Variants in VARS1 observed in about 807,000 individuals in gnomAD.
VARS1 encodes valine--tRNA ligase.
Under a neutral mutation model 161.0 loss-of-function variants are expected in VARS1, and 92 were observed. The observed-to-expected ratio is 0.57, with a 90% confidence interval of 0.48 to 0.68. The LOEUF (loss-of-function observed/expected upper bound fraction) is 0.68, where lower values mean the gene tolerates loss of function less well. VARS1 is among the 30% of genes least tolerant of loss of function. The pLI is 0.00. For synonymous variants in VARS1, 595 were observed against 682.5 expected (o/e 0.87, Z 2.00); for missense variants, 1,338 against 1,695.9 (o/e 0.79, Z 3.71).
chr6:31,792,746 C>A lies in VARS1; in HGVS notation c.661+11G>T. 1 of 1,614,020 alleles carries A rather than the reference C, an allele frequency of 6.2e-7. No homozygotes were observed. Among genetic ancestry groups the A allele is most frequent in the Non-Finnish European group, 8.5e-7 (1 of 1,179,914 alleles). On this transcript the variant is annotated intron_variant, in intron 4 of 29. Transcript: ENST00000375663. ...GAAGCCCCTATCCTCCAACTCCTCG[C>A]CCTTCCTCACCTGGCTGATGAGAGA...
In VARS1 at chr6:31,780,670, A is replaced by C. The variant is rs779132831; in HGVS notation, c.2797+35T>G. 1 of 1,613,934 alleles carries C rather than the reference A, an allele frequency of 6.2e-7. No homozygotes were observed. Among genetic ancestry groups the C allele is most frequent in the East Asian group, 2.2e-5 (1 of 44,880 alleles). On this transcript the variant is annotated intron_variant, in intron 24 of 29. Transcript: ENST00000375663. This position sits in a 1 kb window ranked among gnomAD's most constrained non-coding sequence, Gnocchi z 5.1. ...AGGGATGGGCCTCACAGAAGGAGGA[A>C]GGAGTGGCTGGGAGGGACGCTTTGG...
rs1813007814 is a variant in VARS1 at position 31,779,739 on chromosome 6, G to C, written c.3157C>G (p.Leu1053Val). ...GAGAGCAGCCGCAGGCCAACGTCCA[G>C]GCAAGTGTACAGGGTCTGGCGGGCA... ...ECARQTLYTCLDVGLRLLSPF... is the reference protein window; with the variant it reads ...ECARQTLYTCVDVGLRLLSPF... The change falls in exon 27 of 30, where the codon CTG becomes GTG. Residue 1053 changes from leucine (L) to valine (V), a missense_variant. Leu to Val is a conservative substitution (Grantham distance 32). Around this residue, in one of 3 missense-constraint regions of VARS1, gnomAD observed 433 missense variants for 586.2 expected, o/e 0.74. Coordinates refer to ENST00000375663, the MANE Select transcript of VARS1 (RefSeq NM_006295.3). The surrounding 1 kb of genome is among the most constrained non-coding windows in gnomAD (Gnocchi z 9.1). 1 of 1,612,924 alleles carries C rather than the reference G, an allele frequency of 6.2e-7. No individual in the cohort carries two copies. The highest frequency in any genetic ancestry group is 1.3e-5 in the African/African-American group (1 of 74,924).
chr6:31,779,809 G>A lies in VARS1; in HGVS notation c.3087C>T (p.Cys1029=). ...CCACCCCATTCAGTACAGGTTTCAGGCACTCCTAGGGGACGAGAGGTACAG... is the reference window on the plus strand; with the variant it reads ...CCACCCCATTCAGTACAGGTTTCAGACACTCCTAGGGGACGAGAGGTACAG... ...LYELCDVYLE[C]LKPVLNGVDQ... Residue 1029 remains cysteine (C), a synonymous_variant, in exon 27 of 30, where the codon TGC becomes TGT. Transcript: ENST00000375663. This position sits in a 1 kb window ranked among gnomAD's most constrained non-coding sequence, Gnocchi z 9.1. 1 of 1,612,894 alleles carries A rather than the reference G, an allele frequency of 6.2e-7. No homozygotes were observed. The highest frequency in any genetic ancestry group is 8.5e-7 in the Non-Finnish European group (1 of 1,179,942).
In VARS1 at chr6:31,782,397, C is replaced by G. The variant is rs951747192; in HGVS notation, c.2038G>C (p.Val680Leu). The G allele has an allele frequency of 1.2e-6, 2 of 1,612,262 alleles. No homozygotes were observed. Among genetic ancestry groups the G allele is most frequent in the Admixed American group, 1.7e-5 (1 of 59,912 alleles). ...GCCTGGGCCATCTCCCCGCAGCGAA[C>G]GTACCACTGCGGCCGCAGCAGAGGC... ...VEPLLRPQWY[V>L]RCGEMAQAAS... is the part of the protein sequence containing the mutation. The change falls in exon 17 of 30, where the codon GTT becomes CTT. Residue 680 changes from valine (V) to leucine (L), a missense_variant. This residue lies in a region of VARS1 where 902 missense variants were observed against 1,090.3 expected (regional missense o/e 0.83). Transcript: ENST00000375663. This position sits in a 1 kb window ranked among gnomAD's most constrained non-coding sequence, Gnocchi z 8.3.
Position 31,785,956 on chromosome 6 carries a change from G to A in VARS1, c.1101-223C>T, listed in dbSNP as rs1022957654. Among the ~76,000 whole-genome samples the A allele has an allele frequency of 3.9e-5, 6 of 152,076 alleles. No homozygotes were observed. Among genetic ancestry groups the A allele is most frequent in the East Asian group, 1.9e-4 (1 of 5,188 alleles). ...AGCCTGGCCAACATGGTAAAACCCC[G>A]TCTCTACTAAAAATACAAAATTAGC... On this transcript the variant is annotated intron_variant, in intron 8 of 29. Transcript: ENST00000375663. The surrounding 1 kb of genome is among the most constrained non-coding windows in gnomAD (Gnocchi z 6.1).
intron 8 of VARS1, among the ~76,000 whole-genome samples, chr6:31,790,399 T>C (rs973139279): frequency 2.6e-5 from 4 of 151,746 alleles, no homozygotes; most frequent in Admixed American, 1.3e-4. Flanking sequence ...GTCAGGAGTT[T>C]GAGACCAGCC....
chr6:31,781,373 C>A lies in VARS1; in HGVS notation c.2544+108G>T, dbSNP rs924528451. 13 of 1,489,386 alleles carry A rather than the reference C, an allele frequency of 8.7e-6. No individual in the cohort carries two copies. The East Asian group carries it at 2.5e-4, about 28-fold the overall frequency. The allele number at this position is 1,489,386 out of a possible 1,614,324, so 92.3% of individuals were successfully genotyped here. On this transcript the variant is annotated intron_variant, in intron 21 of 29. Transcript: ENST00000375663. The surrounding 1 kb of genome is among the most constrained non-coding windows in gnomAD (Gnocchi z 6.8). ...ACCCCACACCAGCCCCCGGGTCAGG[C>A]CTGCCCACAGCTAACCCCATGCCCC...
rs368550723 is a variant in VARS1, at chr6:31,780,985, C to A, written c.2649+34G>T. 1.2e-6 allele frequency: 2 copies of A among 1,614,094 alleles called. No individual in the cohort carries two copies. The highest frequency in any genetic ancestry group is 1.7e-5 in the Admixed American group (1 of 60,024). ...TCAGGTGGCTGTGACCACAGCCCCA[C>A]GGCCCTTCCTGGCTGGCCCAGCACC... On this transcript the variant is annotated intron_variant, in intron 22 of 29. Coordinates refer to ENST00000375663, the MANE Select transcript of VARS1 (RefSeq NM_006295.3). This position sits in a 1 kb window ranked among gnomAD's most constrained non-coding sequence, Gnocchi z 5.1.
chr6:31,792,402 G>A lies in VARS1; in HGVS notation c.776C>T (p.Pro259Leu). Residue 259 changes from proline (P) to leucine (L), a missense_variant, in exon 5 of 30, where the codon CCT becomes CTT. Around this residue, in one of 3 missense-constraint regions of VARS1, gnomAD observed 902 missense variants for 1,090.3 expected, o/e 0.83. Coordinates refer to ENST00000375663, the MANE Select transcript of VARS1 (RefSeq NM_006295.3). The stretch of plus-strand genomic sequence containing the variant: ...CCACCCTCGCCTCACCTCCCCTGGA[G>A]GTGGCTGCTGCTGTTGGATCTTCTG... The part of the protein sequence containing the change: ...QKQKIQQQQP[P>L]PGEKKPKPEK... 6.2e-7 allele frequency: 1 copy of A among 1,614,006 alleles called. No homozygotes were observed. Among genetic ancestry groups the A allele is most frequent in the South Asian group, 1.1e-5 (1 of 91,064 alleles).
Position 31,794,825 on chromosome 6 carries a change from C to T in VARS1, c.387+6G>A, listed in dbSNP as rs1351323547. On this transcript the variant is annotated splice_donor_region_variant and intron_variant, in intron 2 of 29. Coordinates refer to ENST00000375663, the MANE Select transcript of VARS1 (RefSeq NM_006295.3). The stretch of plus-strand genomic sequence containing the variant: ...CCCCTCCCCCTCTTCTGTACAACCC[C>T]CTCACCTGGGGGTCCTGGGCCGAGC... 1 of 1,587,158 alleles carries T rather than the reference C, an allele frequency of 6.3e-7. No individual in the cohort carries two copies. The highest frequency in any genetic ancestry group is 8.6e-7 in the Non-Finnish European group (1 of 1,162,872).
Position 31,781,503 on chromosome 6 carries a change from G to A in VARS1, c.2522C>T (p.Thr841Met), listed in dbSNP as rs765740371. ...CACCTCTCTAAAGGGCAGCCTGCCC[G>A]TGAGCTTCAGGCCCAGCATGACCAT... is the stretch of plus-strand genomic sequence containing the variant. ...ARMVMLGLKL[T>M]GRLPFREVYL... Residue 841 changes from threonine to methionine, a missense_variant, in exon 21 of 30, where the codon ACG becomes ATG. Transcript: ENST00000375663. The surrounding 1 kb of genome is among the most constrained non-coding windows in gnomAD (Gnocchi z 6.8). 7.4e-6 allele frequency: 12 copies of A among 1,612,732 alleles called. No individual in the cohort carries two copies. Among genetic ancestry groups the A allele is most frequent in the East Asian group, 2.2e-5 (1 of 44,902 alleles).
Position 31,784,453 on chromosome 6 carries a change from T to A in VARS1, c.1517A>T (p.Tyr506Phe). The change falls in exon 12 of 30, where the codon TAC (tyrosine) becomes TTC (phenylalanine). Residue 506 changes from tyrosine (Y) to phenylalanine (F), a missense_variant. Coordinates refer to ENST00000375663, the MANE Select transcript of VARS1 (RefSeq NM_006295.3). This position sits in a 1 kb window ranked among gnomAD's most constrained non-coding sequence, Gnocchi z 6.1. ...GACCCCGAACTCCACCTTCTCCTTG[T>A]AGCCAGGCACGGAGAGCAGGGTGCG... is the stretch of plus-strand genomic sequence containing the variant. ...TGRTLLSVPGYKEKVEFGVLV... is the reference protein window; with the variant it reads ...TGRTLLSVPGFKEKVEFGVLV... The A allele has an allele frequency of 6.2e-7, 1 of 1,614,104 alleles. No individual in the cohort carries two copies. The highest frequency in any genetic ancestry group is 8.5e-7 in the Non-Finnish European group (1 of 1,180,028).
intron 8 of VARS1, among the ~76,000 whole-genome samples, chr6:31,789,371 C>T (rs1320376063): frequency 6.6e-6 from 1 of 152,086 alleles, no homozygotes; most frequent in Non-Finnish European, 1.5e-5. Context: ...ATAGGCACAA[C>T]TTCAATAGCA....
chr6:31,781,732 A>C lies in VARS1; in HGVS notation c.2377T>G (p.Ser793Ala). 1.9e-6 allele frequency: 3 copies of C among 1,613,064 alleles called. No homozygotes were observed. The highest frequency in any genetic ancestry group is 2.5e-6 in the Non-Finnish European group (3 of 1,180,008). Residue 793 changes from serine to alanine, a missense_variant, in exon 20 of 30, where the codon TCT becomes GCT. Transcript: ENST00000375663. This position sits in a 1 kb window ranked among gnomAD's most constrained non-coding sequence, Gnocchi z 6.8. The stretch of plus-strand genomic sequence containing the variant: ...AAAATGGATAAGGGGAAGAGGCCAG[A>C]GGAGAACCAGGTATCCAATACATCC... ...DEDVLDTWFS[S>A]GLFPLSILGW...
chr6:31,792,589 G>A (rs1269236516), intron 4 of VARS1, 73 bp from the exon 5 acceptor site: 1 of 1,607,796 alleles, frequency 6.2e-7, no homozygotes, highest in Non-Finnish European at 8.5e-7. Context: ...GGTTTCAGAT[G>A]GGGTATTTTA....
Position 31,780,503 on chromosome 6 carries a change from T to C in VARS1, c.2863A>G (p.Asn955Asp). ...CCACGAAGGGCAAACTTGGTGGCATTCCAGAGCTTGTTGCAGAAGTGGCGG... is the reference window on the plus strand; with the variant it reads ...CCACGAAGGGCAAACTTGGTGGCATCCCAGAGCTTGTTGCAGAAGTGGCGG... Reference protein sequence around the residue: ...GYRHFCNKLWNATKFALRGLG... With the variant: ...GYRHFCNKLWDATKFALRGLG... Residue 955 changes from asparagine (N) to aspartate (D), a missense_variant, in exon 25 of 30, where the codon AAT becomes GAT. Around this residue, in one of 3 missense-constraint regions of VARS1, gnomAD observed 433 missense variants for 586.2 expected, o/e 0.74. Transcript: ENST00000375663. The surrounding 1 kb of genome is among the most constrained non-coding windows in gnomAD (Gnocchi z 5.1). 1 of 1,614,060 alleles carries C rather than the reference T, an allele frequency of 6.2e-7. No individual in the cohort carries two copies.
In VARS1 at chr6:31,792,884, T is replaced by C; in HGVS notation, c.534A>G (p.Pro178=). The C allele has an allele frequency of 6.2e-7, 1 of 1,614,002 alleles. No individual in the cohort carries two copies. Among genetic ancestry groups the C allele is most frequent in the Non-Finnish European group, 8.5e-7 (1 of 1,180,000 alleles). Reference sequence around the variant, plus strand: ...CATTATTCCAGATCCGGCGGGCAGGTGGGTCTAGGACCTGGAACAGGAAAT... The same window carrying C: ...CATTATTCCAGATCCGGCGGGCAGGCGGGTCTAGGACCTGGAACAGGAAAT... ...LLLPFRYVLD[P]PARRIWNNVT... The change falls in exon 4 of 30, where the codon CCA becomes CCG. Residue 178 remains proline (P), a synonymous_variant. Transcript: ENST00000375663.
In VARS1 at chr6:31,782,989, T is replaced by C; in HGVS notation, c.1762+107A>G. The stretch of plus-strand genomic sequence containing the variant: ...CAGTCCCTTGAGAACCACCCCAAGC[T>C]CTGTCTATTTGGCTGAAGCTTATTT... On this transcript the variant is annotated intron_variant, in intron 14 of 29. Coordinates refer to ENST00000375663, the MANE Select transcript of VARS1 (RefSeq NM_006295.3). This position sits in a 1 kb window ranked among gnomAD's most constrained non-coding sequence, Gnocchi z 8.3. The C allele has an allele frequency of 6.5e-7, 1 of 1,532,850 alleles. No homozygotes were observed. The highest frequency in any genetic ancestry group is 1.8e-4 in the Middle Eastern group (1 of 5,430). 95.0% of individuals were successfully genotyped at this position (1,532,850 alleles called of 1,614,324 possible).
Position 31,780,062 on chromosome 6 carries a change from T to G in VARS1, c.3017A>C (p.Asp1006Ala). ...CTGGGCAGTGGTGACGGCCGGGAAG[T>G]CGTAGGCCTGGAAGCCTTGATTGCT... is the stretch of plus-strand genomic sequence containing the variant. ...RLSNQGFQAY[D>A]FPAVTTAQYS... Residue 1006 changes from aspartate to alanine, a missense_variant, in exon 26 of 30, where the codon GAC (aspartate) becomes GCC (alanine). By Grantham distance (126) the Asp-to-Ala change is moderately radical. Transcript: ENST00000375663. This position sits in a 1 kb window ranked among gnomAD's most constrained non-coding sequence, Gnocchi z 5.1. The G allele has an allele frequency of 6.2e-7, 1 of 1,614,092 alleles. No homozygotes were observed. The highest frequency in any genetic ancestry group is 1.1e-5 in the South Asian group (1 of 91,082).
Sources: gnomAD v4.1 joint callset for allele counts (sites outside exome capture counted in the v4.1 genomes callset) on GRCh38, gnomAD v4.1.1 for gene constraint, gnomAD v4.1.1 regional missense constraint, Gnocchi (gnomAD v3.1) non-coding constraint, MANE v1.5 for transcripts, NCBI Gene and HGNC (gene_info 2026-07-23, HGNC 2026-07-21) for gene names.